Variants in KCNT2 observed in about 807,000 individuals in gnomAD.
The protein encoded by KCNT2 is potassium channel subfamily T member 2.
A neutral mutation model predicts 153.8 loss-of-function variants in KCNT2; 67 were observed. The observed-to-expected ratio is 0.44, with a 90% CI of 0.36 to 0.53. KCNT2 has a LOEUF of 0.53. Among genes scored for constraint, KCNT2 ranks in the 20% least tolerant of loss-of-function variants. KCNT2 has a pLI of 0.00. For synonymous variants in KCNT2, 500 were observed against 458.8 expected, an observed-to-expected ratio of 1.09 and a Z score of -1.15; for missense variants, 975 against 1,354.8, an observed-to-expected ratio of 0.72 and a Z score of 4.40.
At chr1:196,392,477 AATG>A (rs1670577392) in intron 13 of KCNT2, among the ~76,000 whole-genome samples, 1 of 151,494 alleles carries the variant, frequency 6.6e-6, no homozygotes, top group South Asian at 2.1e-4. Flanking sequence ...TGAAGTTTAA[AATG>A]ATGTCTATGT....
At chr1:196,409,152 G>A (rs1463613177) in intron 12 of KCNT2, among the ~76,000 whole-genome samples, 5 of 149,956 alleles carry the variant, frequency 3.3e-5, no homozygotes, top group East Asian at 2.0e-4. Flanking sequence ...TCTTGTCCAT[G>A]ATTCTTTGCT....
At chr1:196,334,260 ATC>A (rs1664774787) in intron 16 of KCNT2, among the ~76,000 whole-genome samples, 200 bp from the exon 17 acceptor site, 2 of 152,126 alleles carry the variant, frequency 1.3e-5, no homozygotes, top group South Asian at 4.2e-4. Flanking sequence ...GGACAAGAAA[ATC>A]TCTATTTGCA....
chr1:196,368,306 C>T (rs747525430), intron 14 of KCNT2, among the ~76,000 whole-genome samples: 4 of 152,134 alleles, frequency 2.6e-5, no homozygotes, highest in Admixed American at 2.0e-4. Context: ...TCCCTCACTG[C>T]GTTTTCAATC....
At chr1:196,244,484 GT>G (rs1193883710) in intron 26 of KCNT2, among the ~76,000 whole-genome samples, 3 of 152,086 alleles carry the variant, frequency 2.0e-5, no homozygotes, top group Admixed American at 6.5e-5. Context: ...TGAGGAGAGA[GT>G]TTCCTGCCTG....
chr1:196,289,011 C>T (rs1251235455), intron 22 of KCNT2, among the ~76,000 whole-genome samples: 2 of 152,070 alleles, frequency 1.3e-5, no homozygotes, highest in African/African-American at 4.8e-5. Flanking sequence ...TTCATATTGA[C>T]ATCTACATCC....
At chr1:196,384,707 CAAAA>C (rs60975976) in intron 13 of KCNT2, among the ~76,000 whole-genome samples, 3 of 75,480 alleles carry the variant, frequency 4.0e-5, no homozygotes, top group Non-Finnish European at 2.7e-5. Flanking sequence ...ACCCCATCTC[CAAAA>C]AAAAAAAAAA....
intron 2 of KCNT2, among the ~76,000 whole-genome samples, chr1:196,490,234 T>C (rs1003679097): frequency 4.0e-5 from 6 of 151,696 alleles, no homozygotes; most frequent in Admixed American, 6.6e-5. Context: ...CCAATCGAGG[T>C]TGATTAAAGT....
chr1:196,309,686 T>C (rs1363964065), intron 21 of KCNT2, among the ~76,000 whole-genome samples: 2 of 151,890 alleles, frequency 1.3e-5, no homozygotes, highest in Non-Finnish European at 2.9e-5. Context: ...AGTTATAATA[T>C]TTTATATTTA....
chr1:196,429,852 A>G (rs972805269), intron 8 of KCNT2, 95 bp from the exon 9 acceptor site: 7 of 789,024 alleles, frequency 8.9e-6, no homozygotes, highest in Middle Eastern at 2.4e-4. Context: ...CATTTCATAA[A>G]GCCATTTAAT....
intron 26 of KCNT2, among the ~76,000 whole-genome samples, chr1:196,251,558 C>T (rs1655973360): frequency 6.6e-6 from 1 of 151,890 alleles, no homozygotes; most frequent in Non-Finnish European, 1.5e-5. Context: ...ATTAAGACAA[C>T]TGGACTCATG....
chr1:196,315,906 C>T lies in KCNT2; in HGVS notation c.2469G>A (p.Val823=). The T allele has an allele frequency of 1.2e-6, 2 of 1,606,506 alleles. No homozygotes were observed. Among genetic ancestry groups the T allele is most frequent in the East Asian group, 4.5e-5 (2 of 44,454 alleles). ...CAGCCACTTACCTGAAGAGTGTCTG[C>T]ACGTTCACAATGGTTTTGGCATCTG... is the stretch of plus-strand genomic sequence containing the variant. The part of the protein sequence containing the change: ...YMADAKTIVN[V]QTLFRLFSSL... The change falls in exon 21 of 28, where the codon GTG becomes GTA. Residue 823 remains valine, a synonymous_variant. Coordinates refer to ENST00000294725, the MANE Select transcript of KCNT2 (RefSeq NM_198503.5).
chr1:196,402,847 C>A (rs1306931706), intron 12 of KCNT2, among the ~76,000 whole-genome samples: 5 of 151,538 alleles, frequency 3.3e-5, no homozygotes, highest in Admixed American at 6.6e-5. Context: ...TAGAGAGTTG[C>A]AAATTAAAAC....
chr1:196,302,792 T>C (rs1386642501), intron 22 of KCNT2, among the ~76,000 whole-genome samples: 1 of 152,032 alleles, frequency 6.6e-6, no homozygotes, highest in African/African-American at 2.4e-5. Context: ...CTAAAAAGTT[T>C]CTACATTTTT....
At chr1:196,383,004 G>A (rs529183370) in intron 13 of KCNT2, among the ~76,000 whole-genome samples, 1 of 152,042 alleles carries the variant, frequency 6.6e-6, no homozygotes, top group South Asian at 2.1e-4. Context: ...AAAGCTATGG[G>A]AAAAAAATGA....
intron 18 of KCNT2, 55 bp downstream of exon 18, chr1:196,331,101 C>T: frequency 1.1e-6 from 1 of 925,832 alleles, no homozygotes; most frequent in Non-Finnish European, 1.8e-6. Context: ...AATTATGTAA[C>T]TATAAAATGC....
rs566190533 is a variant in KCNT2, at chr1:196,474,648, G to C, written c.384+4531C>G. On this transcript the variant is annotated intron_variant, in intron 5 of 27. Transcript: ENST00000294725. ...AGGGTTCTAGGTATGATGAATTTTT[G>C]TGTGTGGAGGTTTGGAAATTGTGCC... Among the ~76,000 whole-genome samples, 96 of 152,294 alleles carry C rather than the reference G, an allele frequency of 6.3e-4. 1 individual carries two copies. Among genetic ancestry groups the C allele is most frequent in the African/African-American group, 2.0e-3 (83 of 41,560 alleles).
intron 13 of KCNT2, among the ~76,000 whole-genome samples, chr1:196,386,853 C>A (rs1240814192): frequency 6.6e-6 from 1 of 151,930 alleles, no homozygotes; most frequent in East Asian, 1.9e-4. Flanking sequence ...ATGAAAGTGG[C>A]TTTATGAAAA....
intron 12 of KCNT2, among the ~76,000 whole-genome samples, chr1:196,407,829 T>A (rs752877037): frequency 2.0e-5 from 3 of 147,790 alleles, no homozygotes; most frequent in Non-Finnish European, 4.5e-5. Flanking sequence ...GTCAGCAGCA[T>A]GAGCCGGGAA....
rs71154742 is a variant in KCNT2 at position 196,430,378 on chromosome 1, ATCTC to A, written c.639-625_639-622del. ...GGGAATGGGCTCCCTCACAAGATCG[ATCTC>A]TCTCTCTCTCTCTCTCTCTCTCTCT... On this transcript the variant is annotated intron_variant, in intron 8 of 27. Coordinates refer to ENST00000294725, the MANE Select transcript of KCNT2 (RefSeq NM_198503.5). Among the ~76,000 whole-genome samples, 1,063 of 144,544 alleles carry A rather than the reference ATCTC, an allele frequency of 7.4e-3. 7 individuals are homozygous for A. The highest frequency in any genetic ancestry group is 0.021 in the African/African-American group (789 of 38,472). The allele number at this position is 144,544 out of a possible 152,430, so 94.8% of individuals were successfully genotyped here.
Sources: allele counts gnomAD v4.1 joint callset (sites outside exome capture counted in the v4.1 genomes callset), GRCh38; gene constraint gnomAD v4.1.1; transcripts MANE v1.5; gene names NCBI Gene and HGNC (gene_info 2026-07-23, HGNC 2026-07-21).